Variants in SLC24A3 observed in about 807,000 individuals in gnomAD.
SLC24A3 encodes sodium/potassium/calcium exchanger 3.
SLC24A3 carries 28 observed loss-of-function variants against 75.8 expected under a neutral mutation model. The ratio of observed to expected loss-of-function variants is 0.37; its 90% CI spans 0.27 to 0.51. The LOEUF (loss-of-function observed/expected upper bound fraction) is 0.51, where lower values mean the gene tolerates loss of function less well. Ranked by LOEUF, SLC24A3 falls within the 20% of genes least tolerant of loss-of-function variation. SLC24A3 has a pLI of 0.94. For missense variants in SLC24A3, 663 were observed against 847.8 expected (o/e 0.78, Z 2.71); for synonymous variants, 372 against 334.1 (o/e 1.11, Z -1.24).
At chr20:19,704,316 C>T (rs776947055) in intron 15 of SLC24A3, among the ~76,000 whole-genome samples, 31 of 152,172 alleles carry the variant, frequency 2.0e-4, no homozygotes, top group Admixed American at 4.6e-4. Context: ...ATTCACTGAG[C>T]ATCTACTCTG....
chr20:19,673,779 G>C (rs963061707), intron 9 of SLC24A3, 125 bp downstream of exon 9: 87 of 748,426 alleles, frequency 1.2e-4, no homozygotes, highest in Middle Eastern at 2.3e-4. Flanking sequence ...ACAGTCACTT[G>C]GCTCCCTGCC....
At chr20:19,221,321 G>A (rs994881707) in intron 1 of SLC24A3, among the ~76,000 whole-genome samples, 1 of 152,186 alleles carries the variant, frequency 6.6e-6, no homozygotes, top group Non-Finnish European at 1.5e-5. Flanking sequence ...CTCTGATCTA[G>A]ACAGGTCACT....
chr20:19,609,353 A>G, intron 6 of SLC24A3, among the ~76,000 whole-genome samples: 1 of 151,766 alleles, frequency 6.6e-6, no homozygotes, highest in East Asian at 2.0e-4. Flanking sequence ...CTGTCCTACC[A>G]CAATAGAGAA....
At chr20:19,440,829 G>T (rs1987285392) in intron 2 of SLC24A3, among the ~76,000 whole-genome samples, 1 of 152,106 alleles carries the variant, frequency 6.6e-6, no homozygotes, top group African/African-American at 2.4e-5. Context: ...GAACTTAAGG[G>T]CTCGGGTGGA....
intron 2 of SLC24A3, among the ~76,000 whole-genome samples, chr20:19,411,404 G>T (rs1243466097): frequency 6.6e-6 from 1 of 152,168 alleles, no homozygotes; most frequent in Non-Finnish European, 1.5e-5. Context: ...TAGTTGGCAG[G>T]ACAGTAAAGT....
chr20:19,526,203 T>G (rs1184282952), intron 3 of SLC24A3, among the ~76,000 whole-genome samples: 1 of 152,210 alleles, frequency 6.6e-6, no homozygotes, highest in Non-Finnish European at 1.5e-5. Flanking sequence ...TTCTCTTCAG[T>G]GCATTTCCTC....
At chr20:19,401,134 T>G (rs2122404435) in intron 2 of SLC24A3, among the ~76,000 whole-genome samples, 1 of 152,220 alleles carries the variant, frequency 6.6e-6, no homozygotes, top group African/African-American at 2.4e-5. Context: ...AAAGAGACAA[T>G]GGTCCCAATT....
At chr20:19,715,326 G>A (rs930889710) in intron 15 of SLC24A3, among the ~76,000 whole-genome samples, 3 of 152,218 alleles carry the variant, frequency 2.0e-5, no homozygotes, top group African/African-American at 2.4e-5. Context: ...CCGCAGTCAG[G>A]TTGAGTGTGT....
chr20:19,288,994 G>C (rs1326458859), intron 2 of SLC24A3, among the ~76,000 whole-genome samples: 1 of 152,158 alleles, frequency 6.6e-6, no homozygotes. Flanking sequence ...AATGTTTGCT[G>C]CTGCCCCTGG....
chr20:19,341,134 T>C (rs1487830932), intron 2 of SLC24A3, among the ~76,000 whole-genome samples: 3 of 152,132 alleles, frequency 2.0e-5, no homozygotes, highest in African/African-American at 7.2e-5. Context: ...AACTAATTGG[T>C]CTGGGATGTG....
intron 3 of SLC24A3, among the ~76,000 whole-genome samples, chr20:19,548,447 T>G (rs2030638482): frequency 6.6e-6 from 1 of 152,258 alleles, no homozygotes; most frequent in Admixed American, 6.5e-5. Context: ...GTAGGCTAAT[T>G]GTAGTAACAA....
In SLC24A3 at chr20:19,525,562, G is replaced by A. The variant is rs117553064; in HGVS notation, c.348+9998G>A. Among the ~76,000 whole-genome samples, 133 of 152,244 alleles carry A rather than the reference G, an allele frequency of 8.7e-4. 2 individuals carry two copies. The East Asian group carries it at 0.022, about 25-fold the overall frequency. On this transcript the variant is annotated intron_variant, in intron 3 of 16. Coordinates refer to ENST00000328041, the MANE Select transcript of SLC24A3 (RefSeq NM_020689.4). ...CCTCAAGCAGGGCAGGGGAGGAGGGGCATCTATCCACCAGCTCCTATCTAT... is the reference window on the plus strand; with the variant it reads ...CCTCAAGCAGGGCAGGGGAGGAGGGACATCTATCCACCAGCTCCTATCTAT...
intron 2 of SLC24A3, among the ~76,000 whole-genome samples, chr20:19,367,502 A>T (rs200340247): frequency 7.2e-6 from 1 of 139,686 alleles, no homozygotes; most frequent in African/African-American, 2.8e-5. Flanking sequence ...TTTTTTTTTT[A>T]AACCCTGCTT....
At chr20:19,637,660 C>G (rs909043471) in intron 6 of SLC24A3, among the ~76,000 whole-genome samples, 1 of 152,126 alleles carries the variant, frequency 6.6e-6, no homozygotes, top group African/African-American at 2.4e-5. Context: ...GCATAGACAA[C>G]TGAAAGAGGA....
chr20:19,706,281 AGTCAGAGGCCTAT>A (rs1377313043), intron 15 of SLC24A3, among the ~76,000 whole-genome samples: 2 of 152,210 alleles, frequency 1.3e-5, no homozygotes, highest in Non-Finnish European at 2.9e-5. Context: ...TAAGCAAGAC[AGTCAGAGGCCTAT>A]GCTCCTGGAC....
chr20:19,622,689 GA>G (rs2031819214), intron 6 of SLC24A3, among the ~76,000 whole-genome samples: 1 of 152,196 alleles, frequency 6.6e-6, no homozygotes, highest in Non-Finnish European at 1.5e-5. Flanking sequence ...GGTGAGTTCA[GA>G]TGAGTTCAGT....
chr20:19,619,861 G>A (rs1335936203), intron 6 of SLC24A3, among the ~76,000 whole-genome samples: 1 of 152,206 alleles, frequency 6.6e-6, no homozygotes, highest in East Asian at 1.9e-4. Flanking sequence ...CGGGTAAAAA[G>A]TGATGTGTAC....
chr20:19,684,434 A>G (rs2032649753), intron 11 of SLC24A3, 98 bp downstream of exon 11: 2 of 1,347,678 alleles, frequency 1.5e-6, no homozygotes, highest in African/African-American at 1.5e-5. Context: ...CACCTAACTC[A>G]AAGTTTAACA....
intron 16 of SLC24A3, among the ~76,000 whole-genome samples, chr20:19,720,628 G>A (rs769555402): frequency 2.6e-5 from 4 of 152,138 alleles, no homozygotes; most frequent in African/African-American, 9.7e-5. Flanking sequence ...TGTCCCCAGG[G>A]GAGTGGGGGC....
Sources: gnomAD v4.1 joint callset for allele counts (sites outside exome capture counted in the v4.1 genomes callset) on GRCh38, gnomAD v4.1.1 for gene constraint, MANE v1.5 for transcripts, NCBI Gene and HGNC (gene_info 2026-07-23, HGNC 2026-07-21) for gene names.